The following NINL variants were observed in gnomAD, a reference collection of about 807,000 sequenced individuals.
NINL encodes ninein like.
NINL carries 153 observed loss-of-function variants against 160.3 expected under a neutral mutation model. The ratio of observed to expected loss-of-function variants is 0.95; its 90% CI spans 0.84 to 1.09. The LOEUF (loss-of-function observed/expected upper bound fraction) is 1.09. NINL is among the 50% of genes least tolerant of loss of function. The probability of loss-of-function intolerance (pLI) is 0.00; values close to 1 mark genes in which losing one functional copy is unlikely to be tolerated. For synonymous variants in NINL, 800 were observed against 734.8 expected (o/e 1.09, Z -1.43); for missense variants, 1,829 against 1,764.0 (o/e 1.04, Z -0.66).
intron 13 of NINL, among the ~76,000 whole-genome samples, chr20:25,483,957 C>T (rs1324167915): frequency 6.6e-6 from 1 of 152,182 alleles, no homozygotes; most frequent in African/African-American, 2.4e-5. Flanking sequence ...AGTGATGCCA[C>T]GGGACTTCCA....
chr20:25,531,743 G>A (rs2064467928), intron 1 of NINL, among the ~76,000 whole-genome samples: 1 of 152,160 alleles, frequency 6.6e-6, no homozygotes, highest in African/African-American at 2.4e-5. Context: ...CCTTTGGGAA[G>A]GTCCAGGAGG....
chr20:25,541,048 T>C lies in NINL; in HGVS notation c.-11-14450A>G, dbSNP rs147772048. ...GTTAATACTTACTTTCCCTACAAAGTAGATTTTTAGACTAAAAACTACAAA... is the reference window on the plus strand; with the variant it reads ...GTTAATACTTACTTTCCCTACAAAGCAGATTTTTAGACTAAAAACTACAAA... On this transcript the variant is annotated intron_variant, in intron 1 of 23. Transcript: ENST00000278886. 2.0e-5 allele frequency among the ~76,000 whole-genome samples: 3 copies of C among 152,268 alleles called. No individual in the cohort carries two copies. In the East Asian group the frequency reaches 5.8e-4, roughly 29 times the overall value.
At chr20:25,539,305 A>G (rs2064618542) in intron 1 of NINL, among the ~76,000 whole-genome samples, 1 of 152,186 alleles carries the variant, frequency 6.6e-6, no homozygotes. Context: ...GGATAAACAG[A>G]GGTTGGCAAT....
chr20:25,467,241 T>G, intron 19 of NINL, 148 bp downstream of exon 19: 1 of 706,706 alleles, frequency 1.4e-6, no homozygotes, highest in Non-Finnish European at 2.5e-6. Flanking sequence ...GTGTCTGACT[T>G]TGATGGGGCC....
At chr20:25,547,099 C>T (rs2147078862) in intron 1 of NINL, among the ~76,000 whole-genome samples, 1 of 152,186 alleles carries the variant, frequency 6.6e-6, no homozygotes, top group Middle Eastern at 3.4e-3. Context: ...ACATACAGCT[C>T]CCAAAACCCT....
At chr20:25,468,779 G>C (rs965335428) in intron 18 of NINL, among the ~76,000 whole-genome samples, 1,457 of 24,608 alleles carry the variant, frequency 0.059, 50 homozygotes, top group African/African-American at 0.18. Flanking sequence ...GTGGGCGCCC[G>C]CTTGCCCTGT....
At chr20:25,544,400 G>A (rs895812963) in intron 1 of NINL, among the ~76,000 whole-genome samples, 2 of 152,176 alleles carry the variant, frequency 1.3e-5, no homozygotes, top group Non-Finnish European at 2.9e-5. Flanking sequence ...TGTAGTAAAA[G>A]TAATGAATTA....
At chr20:25,558,206 T>C (rs1216007344) in intron 1 of NINL, among the ~76,000 whole-genome samples, 1 of 152,130 alleles carries the variant, frequency 6.6e-6, no homozygotes, top group Admixed American at 6.6e-5. Context: ...TCTTCATTTA[T>C]TTATTTCTTT....
At chr20:25,472,292 A>G (rs1168474306) in intron 17 of NINL, among the ~76,000 whole-genome samples, 1 of 146,848 alleles carries the variant, frequency 6.8e-6, no homozygotes, top group East Asian at 2.0e-4. Flanking sequence ...TAACAGTCAC[A>G]TATCTAATTG....
intron 1 of NINL, among the ~76,000 whole-genome samples, chr20:25,576,482 C>T (rs1409965449): frequency 1.3e-5 from 2 of 152,090 alleles, no homozygotes; most frequent in African/African-American, 2.4e-5. Context: ...TTTTTTGAGA[C>T]AAGATCTTGC....
chr20:25,458,575 G>A (rs775803973), intron 21 of NINL, 46 bp from the exon 22 acceptor site: 18 of 1,497,286 alleles, frequency 1.2e-5, no homozygotes, highest in South Asian at 1.0e-4. Context: ...GCTGAGACGC[G>A]GCACAGAGGA....
intron 1 of NINL, among the ~76,000 whole-genome samples, chr20:25,550,325 G>A (rs1335611174): frequency 6.6e-6 from 1 of 152,258 alleles, no homozygotes; most frequent in Non-Finnish European, 1.5e-5. Context: ...GGTGACCCGT[G>A]ACTGTGCCCC....
At chr20:25,551,786 G>A (rs768794693) in intron 1 of NINL, among the ~76,000 whole-genome samples, 3 of 152,214 alleles carry the variant, frequency 2.0e-5, no homozygotes, top group African/African-American at 4.8e-5. Context: ...TGTCTTGAGC[G>A]TGTTCTGCAC....
intron 1 of NINL, among the ~76,000 whole-genome samples, chr20:25,539,157 C>T (rs1009704841): frequency 3.3e-5 from 5 of 152,226 alleles, no homozygotes; most frequent in African/African-American, 1.2e-4. Flanking sequence ...TGCACACTCA[C>T]AGCATCAGCT....
intron 13 of NINL, among the ~76,000 whole-genome samples, chr20:25,483,554 A>C (rs2063443230): frequency 6.6e-6 from 1 of 152,284 alleles, no homozygotes; most frequent in Non-Finnish European, 1.5e-5. Context: ...ATATGCTGCA[A>C]AGCAGAGAAC....
At chr20:25,531,084 C>T (rs370902390) in intron 1 of NINL, among the ~76,000 whole-genome samples, 47 of 152,280 alleles carry the variant, frequency 3.1e-4, no homozygotes, top group African/African-American at 7.2e-4. Context: ...CCCTCAGGGA[C>T]GCATTCTCTT....
chr20:25,531,225 C>A (rs564173957), intron 1 of NINL, among the ~76,000 whole-genome samples: 1 of 152,300 alleles, frequency 6.6e-6, no homozygotes, highest in South Asian at 2.1e-4. Flanking sequence ...CTCTCTTGTT[C>A]CCTGAACATT....
chr20:25,554,600 C>G (rs533919932), intron 1 of NINL, among the ~76,000 whole-genome samples: 12 of 113,284 alleles, frequency 1.1e-4, no homozygotes, highest in African/African-American at 4.0e-4. Flanking sequence ...GCATGAGCAA[C>G]ATAGTAAGAA....
intron 16 of NINL, 96 bp from the exon 17 acceptor site, chr20:25,477,185 C>T: frequency 1.7e-6 from 2 of 1,195,212 alleles, no homozygotes; most frequent in Non-Finnish European, 2.3e-6. Flanking sequence ...GCTGCGACCT[C>T]CTCTCTGTGG....
Sources: gnomAD v4.1 joint callset for allele counts (sites outside exome capture counted in the v4.1 genomes callset) on GRCh38, gnomAD v4.1.1 for gene constraint, MANE v1.5 for transcripts, NCBI Gene and HGNC (gene_info 2026-07-23, HGNC 2026-07-21) for gene names.